The following RUNX3 variants were observed in gnomAD, a reference collection of about 807,000 sequenced individuals.
RUNX3 encodes the protein RUNX family transcription factor 3.
RUNX3 carries 10 observed loss-of-function variants against 27.7 expected under a neutral mutation model. The observed-to-expected ratio is 0.36, with a 90% CI of 0.22 to 0.61. The LOEUF (loss-of-function observed/expected upper bound fraction) is 0.61. Ranked by LOEUF, RUNX3 falls within the 20% of genes least tolerant of loss-of-function variation. The pLI is 0.72. For synonymous variants in RUNX3, 270 were observed against 269.2 expected, an observed-to-expected ratio of 1.00 and a Z score of -0.03; for missense variants, 469 against 629.5, an observed-to-expected ratio of 0.75 and a Z score of 2.73.
chr1:24,929,487 G>T, intron 1 of RUNX3, 100 bp downstream of exon 1: 1 of 1,225,504 alleles, frequency 8.2e-7, no homozygotes, highest in Non-Finnish European at 1.2e-6. Context: ...CGGCGTCTCG[G>T]GCACCTCCCA....
intron 3 of RUNX3, among the ~76,000 whole-genome samples, chr1:24,918,950 C>T (rs1281225497): frequency 6.6e-6 from 1 of 152,198 alleles, no homozygotes; most frequent in Non-Finnish European, 1.5e-5. Context: ...CACAAGCACC[C>T]GACAAATGCC....
chr1:24,920,863 TG>T lies in RUNX3; in HGVS notation c.440-1520del, dbSNP rs201415121. On this transcript the variant is annotated intron_variant, in intron 2 of 4. Coordinates refer to ENST00000308873, the MANE Select transcript of RUNX3 (RefSeq NM_004350.3). Reference sequence around the variant, plus strand: ...GAATTCTCTGATGTGTCTGGGAGTTTGGGGGTCTGGGTAAGAGTCCTCCTCT... The same window carrying T: ...GAATTCTCTGATGTGTCTGGGAGTTTGGGGTCTGGGTAAGAGTCCTCCTCT... 3.5e-3 allele frequency among the ~76,000 whole-genome samples: 529 copies of T among 152,336 alleles called. 3 individuals carry two copies. Among genetic ancestry groups the T allele is most frequent in the African/African-American group, 0.012 (499 of 41,578 alleles).
intron 2 of RUNX3, among the ~76,000 whole-genome samples, chr1:24,952,262 G>A (rs1452409156): frequency 6.6e-6 from 1 of 152,140 alleles, no homozygotes; most frequent in Non-Finnish European, 1.5e-5. Context: ...GGATCCAATA[G>A]CTCTCTCTAG....
chr1:24,949,487 CAGAG>C (rs1330192114), intron 2 of RUNX3, among the ~76,000 whole-genome samples: 1 of 152,196 alleles, frequency 6.6e-6, no homozygotes, highest in Non-Finnish European at 1.5e-5. Context: ...GTGAACGAGA[CAGAG>C]AGAGGCCCCA....
upstream of RUNX3, among the ~76,000 whole-genome samples, chr1:24,930,980 C>T (rs1179796550): frequency 6.6e-6 from 1 of 152,214 alleles, no homozygotes; most frequent in Non-Finnish European, 1.5e-5. The surrounding 1 kb of genome is among the most constrained non-coding windows in gnomAD (Gnocchi z 4.1). Flanking sequence ...GCTCTCCCCT[C>T]AAAACAAGTT....
rs1435502898 is a variant in RUNX3, at chr1:24,902,115, AGG to A, written c.*5_*6del. The stretch of plus-strand genomic sequence containing the variant: ...CCGCCTCCAGCGGGAGGAGTCCACC[AGG>A]GCGGTCAGTAGGGCCGCCACACGGC... On this transcript the variant is annotated 3_prime_UTR_variant, in exon 5 of 5. Transcript: ENST00000308873. The surrounding 1 kb of genome is among the most constrained non-coding windows in gnomAD (Gnocchi z 9.2). The A allele has an allele frequency of 6.5e-7, 1 of 1,528,814 alleles. No individual in the cohort carries two copies. The highest frequency in any genetic ancestry group is 1.4e-5 in the African/African-American group (1 of 73,632). 94.7% of individuals were successfully genotyped at this position (1,528,814 alleles called of 1,614,324 possible).
chr1:24,941,560 GAGCCTTGAACCTCAGC>G (rs1056403504), intron 2 of RUNX3, among the ~76,000 whole-genome samples: 4 of 152,344 alleles, frequency 2.6e-5, no homozygotes, highest in African/African-American at 4.8e-5. Flanking sequence ...TATCAGAGCT[GAGCCTTGAACCTCAGC>G]AGCCTGATCC....
At chr1:24,920,754 G>T (rs1640982856) in intron 2 of RUNX3, among the ~76,000 whole-genome samples, 1 of 152,086 alleles carries the variant, frequency 6.6e-6, no homozygotes, top group South Asian at 2.1e-4. Context: ...TTCTTCTATC[G>T]TTTTATGTTC....
rs16830167 is a variant in RUNX3, at chr1:24,919,187, G to A, written c.544+53C>T. On this transcript the variant is annotated intron_variant, in intron 3 of 4. Transcript: ENST00000308873. ...GTCTGACCTAGCTGCTGTCCTTCCC[G>A]CACTGGACCCTCCTCCCCCGCGCAG... 0.015 allele frequency: 17,129 copies of A among 1,163,474 alleles called. 1,086 individuals are homozygous for A. The African/African-American group carries it at 0.18, about 12-fold the overall frequency. The allele number at this position is 1,163,474 out of a possible 1,614,324, so 72.1% of individuals were successfully genotyped here. A position where few individuals can be genotyped will look rare whatever the true frequency, so the allele number is the denominator to read the frequency against.
At chr1:24,947,828 G>A (rs1401488748) in intron 2 of RUNX3, among the ~76,000 whole-genome samples, 3 of 152,178 alleles carry the variant, frequency 2.0e-5, no homozygotes, top group Non-Finnish European at 4.4e-5. Context: ...GCCCCTGTCT[G>A]CCAGGCGAGG....
Position 24,919,238 on chromosome 1 carries a change from AC to A in RUNX3, c.544+1del. ...GGGCTCAGGGGGCTCGGTGGCACTT[AC>A]GTCTGGGCTCCCGGGGTCCGTCCAC... On this transcript the variant is annotated splice_donor_variant, in intron 3 of 4. Transcript: ENST00000308873. LOFTEE classifies it high-confidence loss of function. 1.3e-6 allele frequency: 2 copies of A among 1,585,208 alleles called. No homozygotes were observed. Among genetic ancestry groups the A allele is most frequent in the Non-Finnish European group, 1.7e-6 (2 of 1,165,898 alleles).
intron 2 of RUNX3, among the ~76,000 whole-genome samples, chr1:24,936,125 G>T (rs1176952137): frequency 6.6e-6 from 1 of 152,242 alleles, no homozygotes; most frequent in South Asian, 2.1e-4. Context: ...GGAGCCAAGG[G>T]GGCTTCTGGG....
chr1:24,933,267 AG>A (rs1191960636), upstream of RUNX3, among the ~76,000 whole-genome samples: 1 of 152,228 alleles, frequency 6.6e-6, no homozygotes, highest in Non-Finnish European at 1.5e-5. Flanking sequence ...CTCTAGGGAA[AG>A]TTGCCTAAAC....
chr1:24,930,015 C>T lies in RUNX3; in HGVS notation c.-147G>A. On this transcript the variant is annotated 5_prime_UTR_variant, in exon 1 of 5. Coordinates refer to ENST00000308873, the MANE Select transcript of RUNX3 (RefSeq NM_004350.3). The surrounding 1 kb of genome is among the most constrained non-coding windows in gnomAD (Gnocchi z 4.1). ...CCGGGCCTCAGGGCGCAGGGGGCGG[C>T]GCCCGGCCACTACTCGCCAGGGCCC... The T allele has an allele frequency of 4.5e-6, 5 of 1,114,996 alleles. No individual in the cohort carries two copies. Among genetic ancestry groups the T allele is most frequent in the Non-Finnish European group, 5.5e-6 (5 of 915,384 alleles). The allele number at this position is 1,114,996 out of a possible 1,614,324, so 69.1% of individuals were successfully genotyped here.
At chr1:24,906,725 C>T (rs1297950005) in intron 4 of RUNX3, among the ~76,000 whole-genome samples, 1 of 152,224 alleles carries the variant, frequency 6.6e-6, no homozygotes, top group Non-Finnish European at 1.5e-5. Context: ...AGACCTTTCC[C>T]AGGAATGCTA....
chr1:24,949,046 T>C (rs908953124), intron 2 of RUNX3, among the ~76,000 whole-genome samples: 1 of 152,052 alleles, frequency 6.6e-6, no homozygotes, highest in South Asian at 2.1e-4. Flanking sequence ...TGAAGTCTTA[T>C]AACCACAGTG....
chr1:24,919,085 T>C (rs577108766), intron 3 of RUNX3, among the ~76,000 whole-genome samples, 155 bp downstream of exon 3: 1 of 152,350 alleles, frequency 6.6e-6, no homozygotes, highest in Non-Finnish European at 1.5e-5. Flanking sequence ...CCAGAGGGTT[T>C]AGGGGTTTGC....
At chr1:24,908,194 G>A in intron 3 of RUNX3, among the ~76,000 whole-genome samples, 1 of 146,556 alleles carries the variant, frequency 6.8e-6, no homozygotes, top group East Asian at 2.0e-4. Flanking sequence ...GACACGCGGT[G>A]ATCCGAACCT....
At chr1:24,950,641 G>A (rs1175601728) in intron 2 of RUNX3, among the ~76,000 whole-genome samples, 3 of 152,184 alleles carry the variant, frequency 2.0e-5, no homozygotes, top group Non-Finnish European at 4.4e-5. Flanking sequence ...GTAGAGGGAT[G>A]TGGAGTACCT....
Sources: allele counts gnomAD v4.1 joint callset (sites outside exome capture counted in the v4.1 genomes callset), GRCh38; gene constraint gnomAD v4.1.1; non-coding constraint Gnocchi (gnomAD v3.1); transcripts MANE v1.5; gene names NCBI Gene and HGNC (gene_info 2026-07-23, HGNC 2026-07-21).